Variants in CCDC93 observed in about 807,000 individuals in gnomAD.
CCDC93 encodes the protein CCC complex scaffolding subunit CCDC93.
CCDC93 carries 61 observed loss-of-function variants against 108.2 expected under a neutral mutation model. The observed-to-expected ratio is 0.56, with a 90% confidence interval of 0.46 to 0.70. The LOEUF is 0.70. Among genes scored for constraint, CCDC93 ranks in the 30% least tolerant of loss-of-function variants. The probability of loss-of-function intolerance (pLI) is 0.00; values close to 1 mark genes in which losing one functional copy is unlikely to be tolerated. For missense variants in CCDC93, 685 were observed against 764.2 expected (o/e 0.90, Z 1.22); for synonymous variants, 276 against 260.4 (o/e 1.06, Z -0.58).
At chr2:117,949,127 AC>A (rs1440701709) in intron 14 of CCDC93, among the ~76,000 whole-genome samples, 194 bp downstream of exon 14, 3 of 152,244 alleles carry the variant, frequency 2.0e-5, no homozygotes, top group African/African-American at 7.2e-5. Context: ...AAGGTGACTA[AC>A]CCAGGGCAGC....
chr2:117,920,691 A>C (rs1677831148), intron 23 of CCDC93, among the ~76,000 whole-genome samples: 1 of 152,208 alleles, frequency 6.6e-6, no homozygotes, highest in Admixed American at 6.5e-5. Context: ...AGGGGATAGA[A>C]GCAGAAAGCA....
intron 10 of CCDC93, 97 bp from the exon 11 acceptor site, chr2:117,974,091 G>A (rs1573503329): frequency 1.2e-6 from 1 of 801,464 alleles, no homozygotes; most frequent in East Asian, 2.7e-5. Flanking sequence ...ACTCTATTAT[G>A]GTAAAACATA....
chr2:117,948,960 T>C (rs1394698269), intron 14 of CCDC93, among the ~76,000 whole-genome samples: 1 of 152,312 alleles, frequency 6.6e-6, no homozygotes, highest in Admixed American at 6.5e-5. Context: ...CTTGTAACAA[T>C]AGTGAACTCT....
intron 12 of CCDC93, among the ~76,000 whole-genome samples, chr2:117,957,733 G>A (rs940577389): frequency 6.6e-6 from 1 of 152,120 alleles, no homozygotes; most frequent in Admixed American, 6.5e-5. Flanking sequence ...TCTGGTCTTT[G>A]TTCATGTTGT....
chr2:117,929,115 TGGGGGGA>T (rs2104710455), intron 23 of CCDC93, among the ~76,000 whole-genome samples: 2 of 27,176 alleles, frequency 7.4e-5, no homozygotes, highest in Non-Finnish European at 1.4e-4. Flanking sequence ...TGTTGTGGGG[TGGGGGGA>T]GGTGGGAGGG....
At chr2:117,936,212 G>A (rs1464820875) in intron 21 of CCDC93, among the ~76,000 whole-genome samples, 3 of 152,058 alleles carry the variant, frequency 2.0e-5, no homozygotes, top group African/African-American at 7.2e-5. Context: ...GCAAGTCCTG[G>A]GGCTGCTGGA....
chr2:118,000,876 A>T lies in CCDC93; in HGVS notation c.308T>A (p.Leu103Gln). The T allele has an allele frequency of 1.2e-6, 2 of 1,613,870 alleles. No individual in the cohort carries two copies. The highest frequency in any genetic ancestry group is 1.7e-6 in the Non-Finnish European group (2 of 1,179,800). The change falls in exon 4 of 24, where the codon CTG becomes CAG. Residue 103 changes from leucine (L) to glutamine (Q), a missense_variant. Leu to Gln is a moderately radical substitution (Grantham distance 113, BLOSUM62 -2). Coordinates refer to ENST00000376300, the MANE Select transcript of CCDC93 (RefSeq NM_019044.5). The stretch of plus-strand genomic sequence containing the variant: ...CATCCCCTGGATCTGGTGGGGCTCC[A>T]GCTGGTGTGGGCATTTCATCCTTGG... ...VLPRMKCPHQ[L>Q]EPHQIQGMDF...
rs117505608 is a variant in CCDC93, at chr2:117,964,289, G to C, written c.889-5808C>G. ...CTAGCCAGACAAAACCAGCTAATTC[G>C]TAAGTAAAGGTGTTGCATCCTCTGC... On this transcript the variant is annotated intron_variant, in intron 11 of 23. Transcript: ENST00000376300. Among the ~76,000 whole-genome samples the C allele has an allele frequency of 3.4e-3, 524 of 152,242 alleles. 4 individuals are homozygous for C. Among genetic ancestry groups the C allele is most frequent in the African/African-American group, 0.012 (505 of 41,536 alleles).
chr2:117,964,769 T>A (rs914166048), intron 11 of CCDC93, among the ~76,000 whole-genome samples: 9 of 151,956 alleles, frequency 5.9e-5, no homozygotes, highest in Non-Finnish European at 1.2e-4. Context: ...CAAGTAATTT[T>A]AAAAAAATAT....
chr2:118,005,984 A>G (rs139879401), intron 3 of CCDC93, among the ~76,000 whole-genome samples: 101 of 152,182 alleles, frequency 6.6e-4, no homozygotes, highest in South Asian at 5.8e-3. Flanking sequence ...GCATTTTGTG[A>G]CCCATCACTG....
At chr2:117,994,954 AC>A (rs1201842287) in intron 6 of CCDC93, among the ~76,000 whole-genome samples, 1 of 152,018 alleles carries the variant, frequency 6.6e-6, no homozygotes, top group Non-Finnish European at 1.5e-5. Context: ...GGTTCCACTA[AC>A]CCTTGTGCTG....
intron 7 of CCDC93, among the ~76,000 whole-genome samples, chr2:117,978,611 C>T (rs1680015998): frequency 6.6e-6 from 1 of 152,156 alleles, no homozygotes; most frequent in South Asian, 2.1e-4. Context: ...AATGCAAAAT[C>T]CATTCAACCC....
At chr2:117,994,960 G>A (rs1281749969) in intron 6 of CCDC93, among the ~76,000 whole-genome samples, 1 of 152,158 alleles carries the variant, frequency 6.6e-6, no homozygotes, top group Non-Finnish European at 1.5e-5. Context: ...ACTAACCCTT[G>A]TGCTGGCGAA....
chr2:117,933,509 G>C (rs1678415038), intron 22 of CCDC93, among the ~76,000 whole-genome samples: 1 of 152,114 alleles, frequency 6.6e-6, no homozygotes, highest in Non-Finnish European at 1.5e-5. Context: ...TCGAAATGCT[G>C]ACTGATATGT....
intron 11 of CCDC93, among the ~76,000 whole-genome samples, chr2:117,971,592 ATAT>A (rs377738758): frequency 7.2e-5 from 11 of 152,146 alleles, no homozygotes; most frequent in African/African-American, 1.9e-4. Flanking sequence ...CAGAAAAGTA[ATAT>A]TATTCTCATT....
chr2:117,950,764 C>A, intron 13 of CCDC93: 1 of 985,420 alleles, frequency 1.0e-6, no homozygotes. Flanking sequence ...AGGTTTTATA[C>A]AGCTTCCCAT....
chr2:117,938,450 G>A (rs567370270), intron 20 of CCDC93, among the ~76,000 whole-genome samples: 8 of 151,954 alleles, frequency 5.3e-5, no homozygotes, highest in African/African-American at 1.9e-4. Context: ...CGAGTTAGTG[G>A]GTGCAGCGCA....
chr2:117,967,994 C>T (rs1212079657), intron 11 of CCDC93, among the ~76,000 whole-genome samples: 1 of 152,142 alleles, frequency 6.6e-6, no homozygotes, highest in Admixed American at 6.5e-5. Context: ...TGGAGAGGCA[C>T]TCAGGGTAGA....
At chr2:117,970,300 T>C (rs1438890961) in intron 11 of CCDC93, among the ~76,000 whole-genome samples, 2 of 152,106 alleles carry the variant, frequency 1.3e-5, no homozygotes, top group Admixed American at 6.5e-5. Flanking sequence ...TGGATATGAA[T>C]AGGAAAACTA....
Sources: allele counts gnomAD v4.1 joint callset (sites outside exome capture counted in the v4.1 genomes callset), GRCh38; gene constraint gnomAD v4.1.1; transcripts MANE v1.5; gene names NCBI Gene and HGNC (gene_info 2026-07-23, HGNC 2026-07-21).